The following PIK3R4 variants were observed in gnomAD, a reference collection of about 807,000 sequenced individuals.
PIK3R4 encodes the protein phosphoinositide 3-kinase regulatory subunit 4.
A neutral mutation model predicts 136.5 loss-of-function variants in PIK3R4; 46 were observed. The observed-to-expected ratio is 0.34, with a 90% CI of 0.27 to 0.43. The LOEUF is 0.43. PIK3R4 is among the 20% of genes least tolerant of loss of function. The pLI is 1.00. For missense variants in PIK3R4, 1,331 were observed against 1,649.5 expected (o/e 0.81, Z 3.35); for synonymous variants, 557 against 566.7 (o/e 0.98, Z 0.24).
At chr3:130,715,276 A>G (rs1339907689) in intron 9 of PIK3R4, among the ~76,000 whole-genome samples, 2 of 151,768 alleles carry the variant, frequency 1.3e-5, no homozygotes, top group Non-Finnish European at 2.9e-5. Context: ...GGCACACAAC[A>G]CTATGTCCGG....
Position 130,703,843 on chromosome 3 carries a change from T to C in PIK3R4, c.2978A>G (p.Lys993Arg). 1 of 1,612,970 alleles carries C rather than the reference T, an allele frequency of 6.2e-7. No individual in the cohort carries two copies. The highest frequency in any genetic ancestry group is 1.1e-5 in the South Asian group (1 of 91,000). Residue 993 changes from lysine to arginine, a missense_variant, in exon 13 of 20, where the codon AAA (lysine) becomes AGA (arginine). This residue lies in a region of PIK3R4 where 1,180 missense variants were observed against 1,407.0 expected (regional missense o/e 0.84). Coordinates refer to ENST00000356763, the MANE Select transcript of PIK3R4 (RefSeq NM_014602.3). ...GLLVAHLHEHKSAVNRIRVSD... is the reference protein window; with the variant it reads ...GLLVAHLHEHRSAVNRIRVSD... Reference sequence around the variant, plus strand: ...GACTCTAATTCGATTCACAGCAGATTTATGCTCATGAAGATGGGCAACTAA... The same window carrying C: ...GACTCTAATTCGATTCACAGCAGATCTATGCTCATGAAGATGGGCAACTAA...
Position 130,708,394 on chromosome 3 carries a change from A to G in PIK3R4, c.2430T>C (p.Leu810=), listed in dbSNP as rs1294961845. 1 of 1,613,834 alleles carries G rather than the reference A, an allele frequency of 6.2e-7. No homozygotes were observed. Among genetic ancestry groups the G allele is most frequent in the Admixed American group, 1.7e-5 (1 of 60,024 alleles). ...AKANIVDQSH[L]HDSSQKGVID... ...TTACACCTTTCTGACTACTATCATG[A>G]AGATGGCTCTGGTCCACTATATTGG... The change falls in exon 10 of 20, where the codon CTT becomes CTC. Residue 810 remains leucine, a synonymous_variant. Coordinates refer to ENST00000356763, the MANE Select transcript of PIK3R4 (RefSeq NM_014602.3).
At chr3:130,719,030 C>G (rs1040462211) in intron 7 of PIK3R4, among the ~76,000 whole-genome samples, 2 of 152,134 alleles carry the variant, frequency 1.3e-5, no homozygotes, top group African/African-American at 2.4e-5. Context: ...TCTAGCCTAT[C>G]TGATATTCTT....
intron 13 of PIK3R4, among the ~76,000 whole-genome samples, chr3:130,694,785 C>T (rs978355063): frequency 2.0e-5 from 3 of 151,970 alleles, no homozygotes; most frequent in South Asian, 2.1e-4. Context: ...TTCTTCTTAC[C>T]CAAATGTCCT....
intron 9 of PIK3R4, among the ~76,000 whole-genome samples, chr3:130,708,910 T>C (rs2066620337): frequency 6.6e-6 from 1 of 152,154 alleles, no homozygotes. Flanking sequence ...TCAACTTTGC[T>C]CCTGGTTGTG....
intron 7 of PIK3R4, among the ~76,000 whole-genome samples, 170 bp downstream of exon 7, chr3:130,723,244 T>C (rs1424150234): frequency 6.6e-6 from 1 of 151,794 alleles, no homozygotes. Context: ...GTCTCTCACA[T>C]ACATATAAGC....
intron 9 of PIK3R4, among the ~76,000 whole-genome samples, chr3:130,713,599 A>T (rs2066643999): frequency 6.6e-6 from 1 of 152,202 alleles, no homozygotes; most frequent in Non-Finnish European, 1.5e-5. Context: ...AGGTAAAAAG[A>T]AGAGATGAGG....
chr3:130,683,381 C>T (rs1175535193), intron 16 of PIK3R4, among the ~76,000 whole-genome samples: 1 of 152,140 alleles, frequency 6.6e-6, no homozygotes, highest in East Asian at 1.9e-4. Context: ...AGACCAAAGA[C>T]TGGGTCCTGA....
At chr3:130,697,194 C>CA (rs1286668609) in intron 13 of PIK3R4, among the ~76,000 whole-genome samples, 41 of 151,422 alleles carry the variant, frequency 2.7e-4, no homozygotes, top group Admixed American at 9.9e-4. Context: ...CTCAGCCTCC[C>CA]GAGTAGCTGG....
intron 2 of PIK3R4, among the ~76,000 whole-genome samples, chr3:130,741,708 C>CT (rs1163514836): frequency 6.6e-6 from 1 of 152,100 alleles, no homozygotes; most frequent in Non-Finnish European, 1.5e-5. Flanking sequence ...AATTAACTTT[C>CT]TTATTTACTT....
At chr3:130,701,291 C>G (rs1255194561) in intron 13 of PIK3R4, among the ~76,000 whole-genome samples, 4 of 152,096 alleles carry the variant, frequency 2.6e-5, no homozygotes, top group African/African-American at 9.6e-5. Context: ...GCGGGCGGAT[C>G]ACTTGAGGTC....
At chr3:130,733,194 A>C (rs1297598060) in intron 4 of PIK3R4, among the ~76,000 whole-genome samples, 3 of 152,218 alleles carry the variant, frequency 2.0e-5, no homozygotes, top group Non-Finnish European at 4.4e-5. Context: ...TTGTATGCTA[A>C]AACTGACAGT....
At chr3:130,728,193 T>C (rs1353424675) in intron 6 of PIK3R4, among the ~76,000 whole-genome samples, 2 of 152,208 alleles carry the variant, frequency 1.3e-5, no homozygotes, top group Non-Finnish European at 2.9e-5. Context: ...ACATACTTCA[T>C]GGTACTTTCC....
intron 6 of PIK3R4, among the ~76,000 whole-genome samples, chr3:130,727,244 G>A (rs1200175530): frequency 6.7e-6 from 1 of 148,312 alleles, no homozygotes; most frequent in Admixed American, 6.7e-5. Context: ...TTTTTGAGAC[G>A]GAGTCTCGCT....
At chr3:130,736,168 T>C (rs2107620644) in intron 2 of PIK3R4, among the ~76,000 whole-genome samples, 166 bp from the exon 3 acceptor site, 1 of 152,180 alleles carries the variant, frequency 6.6e-6, no homozygotes, top group Admixed American at 6.5e-5. Flanking sequence ...ACAGGGAAAA[T>C]GTCTATTACC....
Position 130,723,604 on chromosome 3 carries a change from A to G in PIK3R4, c.1808-17T>C, listed in dbSNP as rs763080489. 3 of 1,605,258 alleles carry G rather than the reference A, an allele frequency of 1.9e-6. No individual in the cohort carries two copies. Among genetic ancestry groups the G allele is most frequent in the Non-Finnish European group, 1.7e-6 (2 of 1,176,474 alleles). On this transcript the variant is annotated splice_polypyrimidine_tract_variant and intron_variant, in intron 6 of 19. Coordinates refer to ENST00000356763, the MANE Select transcript of PIK3R4 (RefSeq NM_014602.3). ...CAGCAACACCTGGAAATGAAAAGCA[A>G]TATTATGTGATTATTCAATACCTAA... is the stretch of plus-strand genomic sequence containing the variant.
rs138002880 is a variant in PIK3R4, at chr3:130,735,418, G to C, written c.867+451C>G. Reference sequence around the variant, plus strand: ...CTTCTGTAGCTGCCTTTCCAGAACTGCCCTCAGCTTCATATATTAATACAA... The same window carrying C: ...CTTCTGTAGCTGCCTTTCCAGAACTCCCCTCAGCTTCATATATTAATACAA... On this transcript the variant is annotated intron_variant, in intron 3 of 19. Transcript: ENST00000356763. 9.7e-3 allele frequency among the ~76,000 whole-genome samples: 1,483 copies of C among 152,180 alleles called. 32 individuals carry two copies. The highest frequency in any genetic ancestry group is 0.033 in the African/African-American group (1,368 of 41,504).
intron 9 of PIK3R4, among the ~76,000 whole-genome samples, chr3:130,711,047 T>C (rs549596646): frequency 6.6e-6 from 1 of 151,998 alleles, no homozygotes; most frequent in South Asian, 2.1e-4. Context: ...TGGGAGATGT[T>C]TTTTTCTACC....
chr3:130,697,337 G>A (rs765086745), intron 13 of PIK3R4, among the ~76,000 whole-genome samples: 6 of 152,066 alleles, frequency 3.9e-5, no homozygotes, highest in Non-Finnish European at 7.4e-5. Context: ...CTCCCAAAGT[G>A]CTTGGGATTA....
Sources: gnomAD v4.1 joint callset for allele counts (sites outside exome capture counted in the v4.1 genomes callset) on GRCh38, gnomAD v4.1.1 for gene constraint, gnomAD v4.1.1 regional missense constraint, MANE v1.5 for transcripts, NCBI Gene and HGNC (gene_info 2026-07-23, HGNC 2026-07-21) for gene names.